PLEKHH2: variants seen among roughly 807,000 people sequenced by gnomAD.
The protein encoded by PLEKHH2 is pleckstrin homology domain-containing family H member 2.
Under a neutral mutation model 187.9 loss-of-function variants are expected in PLEKHH2, and 129 were observed. The ratio of observed to expected loss-of-function variants is 0.69; its 90% CI spans 0.59 to 0.79. The LOEUF is 0.79. PLEKHH2 is among the 30% of genes least tolerant of loss of function. The probability of loss-of-function intolerance (pLI) is 0.00; values close to 1 mark genes in which losing one functional copy is unlikely to be tolerated. For missense variants in PLEKHH2, 2,076 were observed against 1,751.2 expected, an observed-to-expected ratio of 1.19 and a Z score of -3.31; for synonymous variants, 686 against 605.6, an observed-to-expected ratio of 1.13 and a Z score of -1.95.
chr2:43,659,442 A>C (rs563579766), intron 2 of PLEKHH2, among the ~76,000 whole-genome samples: 88 of 152,202 alleles, frequency 5.8e-4, no homozygotes, highest in African/African-American at 2.0e-3. Flanking sequence ...AAACATAAGA[A>C]ATCTGAAGTC....
chr2:43,650,428 C>T (rs1010683581), intron 2 of PLEKHH2, among the ~76,000 whole-genome samples: 9 of 151,682 alleles, frequency 5.9e-5, no homozygotes, highest in Admixed American at 2.6e-4. Context: ...CCACTGTACC[C>T]GGCCATTTCA....
chr2:43,721,422 G>C (rs539757928), intron 16 of PLEKHH2, among the ~76,000 whole-genome samples: 3 of 152,266 alleles, frequency 2.0e-5, no homozygotes, highest in African/African-American at 4.8e-5. Flanking sequence ...GACTGTTACT[G>C]TGTTAATGAG....
intron 7 of PLEKHH2, among the ~76,000 whole-genome samples, chr2:43,698,554 G>C (rs1284983607): frequency 1.3e-5 from 2 of 152,044 alleles, no homozygotes; most frequent in South Asian, 2.1e-4. Context: ...CGGCCTACTT[G>C]CATCTTTTTT....
At chr2:43,682,625 A>G (rs13029287) in intron 3 of PLEKHH2, among the ~76,000 whole-genome samples, 9,914 of 152,188 alleles carry the variant, frequency 0.065, 457 homozygotes, top group Non-Finnish European at 0.098. Flanking sequence ...TTTTTAAATG[A>G]ACATTTCAGT....
chr2:43,655,677 C>T (rs759942556), intron 2 of PLEKHH2, among the ~76,000 whole-genome samples: 57 of 152,140 alleles, frequency 3.7e-4, no homozygotes, highest in Non-Finnish European at 7.8e-4. Flanking sequence ...CACAAAACGA[C>T]CTACTTTGAA....
intron 19 of PLEKHH2, among the ~76,000 whole-genome samples, chr2:43,736,232 CA>C (rs745897357): frequency 2.0e-5 from 3 of 151,920 alleles, no homozygotes; most frequent in Non-Finnish European, 4.4e-5. Context: ...ACAAAATAAG[CA>C]AAAAACAAAC....
intron 2 of PLEKHH2, among the ~76,000 whole-genome samples, chr2:43,646,362 G>T (rs1044857011): frequency 7.9e-5 from 12 of 152,016 alleles, no homozygotes; most frequent in African/African-American, 2.9e-4. Context: ...TTTTTGTCAG[G>T]ATCCACCAAT....
At chr2:43,740,038 A>T (rs1671488318) in intron 20 of PLEKHH2, among the ~76,000 whole-genome samples, 1 of 152,214 alleles carries the variant, frequency 6.6e-6, no homozygotes, top group African/African-American at 2.4e-5. Context: ...GGGCAGGGAC[A>T]ATGCCTATTT....
At chr2:43,649,956 C>G (rs1410155367) in intron 2 of PLEKHH2, among the ~76,000 whole-genome samples, 1 of 152,130 alleles carries the variant, frequency 6.6e-6, no homozygotes, top group Non-Finnish European at 1.5e-5. Context: ...GGCTCAGTGG[C>G]AAATTTCCCT....
At chr2:43,677,369 A>G (rs189391683) in intron 2 of PLEKHH2, among the ~76,000 whole-genome samples, 142 of 152,240 alleles carry the variant, frequency 9.3e-4, no homozygotes, top group Middle Eastern at 6.8e-3. Flanking sequence ...TTGTGTCCCT[A>G]GGTACTTGAG....
chr2:43,641,312 T>C (rs1665908476), intron 1 of PLEKHH2, among the ~76,000 whole-genome samples: 1 of 152,172 alleles, frequency 6.6e-6, no homozygotes, highest in Non-Finnish European at 1.5e-5. Context: ...CCTTGTGCTT[T>C]AGGTGTCATA....
intron 2 of PLEKHH2, among the ~76,000 whole-genome samples, chr2:43,648,695 C>G (rs913097701): frequency 6.6e-6 from 1 of 151,912 alleles, no homozygotes; most frequent in Non-Finnish European, 1.5e-5. Flanking sequence ...ATTCTCCCAC[C>G]TCAGCCTCCC....
At chr2:43,693,593 G>A (rs1233106361) in intron 4 of PLEKHH2, among the ~76,000 whole-genome samples, 1 of 151,742 alleles carries the variant, frequency 6.6e-6, no homozygotes, top group African/African-American at 2.4e-5. Flanking sequence ...GCGTGGTGGC[G>A]GGCTCCTGTA....
intron 2 of PLEKHH2, chr2:43,676,041 G>A: frequency 6.2e-7 from 1 of 1,613,996 alleles, no homozygotes; most frequent in Non-Finnish European, 8.5e-7. Context: ...CTTTGTCACA[G>A]TGTTTGGTCC....
rs541587995 is a variant in PLEKHH2, at chr2:43,742,792, G to A, written c.3273G>A (p.Thr1091=). Reference sequence around the variant, plus strand: ...ACTGCCAGCGTTGTGTAGAAAGAACGCAACAAAATGGTGACAGAGAAGCAA... The same window carrying A: ...ACTGCCAGCGTTGTGTAGAAAGAACACAACAAAATGGTGACAGAGAAGCAA... ...AIYCQRCVER[T]QQNGDREARP... is the part of the protein sequence containing the mutation. Residue 1091 remains threonine (T), a synonymous_variant, in exon 22 of 30, where the codon ACG becomes ACA. Coordinates refer to ENST00000282406, the MANE Select transcript of PLEKHH2 (RefSeq NM_172069.4). 8.7e-6 allele frequency: 14 copies of A among 1,604,922 alleles called. No individual in the cohort carries two copies. The highest frequency in any genetic ancestry group is 4.5e-5 in the East Asian group (2 of 44,252).
Position 43,746,149 on chromosome 2 carries a change from G to A in PLEKHH2, c.3653+186G>A, listed in dbSNP as rs138133779. ...ACATAAAATTTTGTTTCTAATTCTA[G>A]TCTCTTAATGTCATAAAGAATTATA... On this transcript the variant is annotated intron_variant, in intron 24 of 29. Transcript: ENST00000282406. 1.3e-4 allele frequency among the ~76,000 whole-genome samples: 20 copies of A among 152,214 alleles called. No individual in the cohort carries two copies. In the East Asian group the frequency reaches 3.7e-3, roughly 28 times the overall value.
intron 1 of PLEKHH2, among the ~76,000 whole-genome samples, chr2:43,644,067 C>A (rs1161173884): frequency 2.0e-5 from 3 of 152,040 alleles, no homozygotes; most frequent in Non-Finnish European, 4.4e-5. Flanking sequence ...AACAACTTAC[C>A]CTTAAATACG....
intron 25 of PLEKHH2, among the ~76,000 whole-genome samples, chr2:43,755,130 C>T (rs1222986719): frequency 1.3e-5 from 2 of 152,114 alleles, no homozygotes; most frequent in South Asian, 2.1e-4. Flanking sequence ...GCCTTGGCCT[C>T]CCAAAGTGCT....
chr2:43,765,680 A>T lies in PLEKHH2; in HGVS notation c.*82A>T. The T allele has an allele frequency of 3.0e-6, 4 of 1,352,048 alleles. No individual in the cohort carries two copies. The highest frequency in any genetic ancestry group is 4.0e-6 in the Non-Finnish European group (4 of 998,158). The allele number at this position is 1,352,048 out of a possible 1,614,324, so 83.8% of individuals were successfully genotyped here. The stretch of plus-strand genomic sequence containing the variant: ...CCCTACAAGTTCGTTTACACCTGGC[A>T]GCACGGCAGCCACACACCGGTATTC... On this transcript the variant is annotated 3_prime_UTR_variant, in exon 30 of 30. Transcript: ENST00000282406.
Sources: gnomAD v4.1 joint callset for allele counts (sites outside exome capture counted in the v4.1 genomes callset) on GRCh38, gnomAD v4.1.1 for gene constraint, MANE v1.5 for transcripts, NCBI Gene and HGNC (gene_info 2026-07-23, HGNC 2026-07-21) for gene names.